DERA: variants seen among roughly 807,000 people sequenced by gnomAD.
DERA encodes deoxyribose-phosphate aldolase.
In DERA, 15 loss-of-function variants were observed where a neutral mutation model predicts 41.1. The observed-to-expected ratio is 0.37, with a 90% confidence interval of 0.24 to 0.56. DERA has a LOEUF of 0.56. Ranked by LOEUF, DERA falls within the 20% of genes least tolerant of loss-of-function variation. The pLI is 0.81. For missense variants in DERA, 396 were observed against 403.4 expected (o/e 0.98, Z 0.16); for synonymous variants, 139 against 137.4 (o/e 1.01, Z -0.08).
chr12:15,998,559 CGCCTGCCTCAGCCTCCCAATGTGCTG>C lies in DERA; in HGVS notation c.637+16125_637+16150del, dbSNP rs1948854691. Among the ~76,000 whole-genome samples the C allele has an allele frequency of 6.6e-6, 1 of 152,054 alleles. No individual in the cohort carries two copies. The highest frequency in any genetic ancestry group is 1.5e-5 in the Non-Finnish European group (1 of 68,020). On this transcript the variant is annotated intron_variant, in intron 6 of 8. Coordinates refer to ENST00000428559, the MANE Select transcript of DERA (RefSeq NM_015954.4). The surrounding 1 kb of genome is among the most constrained non-coding windows in gnomAD (Gnocchi z 4.8). The stretch of plus-strand genomic sequence containing the variant: ...CTCGAACTCCTGACCTCAGGTGATC[CGCCTGCCTCAGCCTCCCAATGTGCTG>C]GAATTACAGGTGTGAGCCACCACGC...
intron 5 of DERA, among the ~76,000 whole-genome samples, chr12:15,969,320 C>T (rs748904458): frequency 1.3e-5 from 2 of 151,970 alleles, no homozygotes; most frequent in Non-Finnish European, 2.9e-5. Context: ...ATATATTTAC[C>T]AGTGACAGGG....
rs567951013 is a variant in DERA at position 16,017,327 on chromosome 12, C to T, written c.638-15215C>T. Among the ~76,000 whole-genome samples the T allele has an allele frequency of 6.6e-5, 10 of 152,220 alleles. No homozygotes were observed. Among genetic ancestry groups the T allele is most frequent in the African/African-American group, 1.7e-4 (7 of 41,530 alleles). ...GCATTGCTAACGTGATGGACTGGAC[C>T]GACAGAGAATTACTCTGTAGCTCAC... On this transcript the variant is annotated intron_variant, in intron 6 of 8. Transcript: ENST00000428559. The surrounding 1 kb of genome is among the most constrained non-coding windows in gnomAD (Gnocchi z 5.5).
At chr12:15,968,154 A>G (rs1948636445) in intron 5 of DERA, among the ~76,000 whole-genome samples, 1 of 151,816 alleles carries the variant, frequency 6.6e-6, no homozygotes. Flanking sequence ...TAATGGAAAC[A>G]TTGTTGAATT....
chr12:15,916,933 A>C (rs1948204735), intron 1 of DERA, among the ~76,000 whole-genome samples: 1 of 152,184 alleles, frequency 6.6e-6, no homozygotes, highest in South Asian at 2.1e-4. Flanking sequence ...GGTTAAAAAA[A>C]ATTAAGTAGA....
At chr12:16,025,580 G>T (rs1379806040) in intron 6 of DERA, among the ~76,000 whole-genome samples, 1 of 152,014 alleles carries the variant, frequency 6.6e-6, no homozygotes, top group Non-Finnish European at 1.5e-5. Flanking sequence ...CTGAAAAAAA[G>T]AAATAAACAA....
chr12:15,919,916 A>G (rs901716613), intron 1 of DERA, among the ~76,000 whole-genome samples: 1 of 152,146 alleles, frequency 6.6e-6, no homozygotes, highest in African/African-American at 2.4e-5. Flanking sequence ...ATCCAGATTC[A>G]GATAAGGTTT....
chr12:16,028,702 TA>T (rs545508321), intron 6 of DERA, among the ~76,000 whole-genome samples: 109 of 152,334 alleles, frequency 7.2e-4, no homozygotes, highest in African/African-American at 2.6e-3. Flanking sequence ...ATAATGTGAT[TA>T]ACATAGCAGT....
At position 15,924,161 on chromosome 12, in the gene DERA, C is replaced by T. The variant is rs989760941; in HGVS notation, c.31+12747C>T. Among the ~76,000 whole-genome samples, 3 of 152,172 alleles carry T rather than the reference C, an allele frequency of 2.0e-5. No individual in the cohort carries two copies. The highest frequency in any genetic ancestry group is 7.2e-5 in the African/African-American group (3 of 41,426). On this transcript the variant is annotated intron_variant, in intron 1 of 8. Transcript: ENST00000428559. The surrounding 1 kb of genome is among the most constrained non-coding windows in gnomAD (Gnocchi z 5.0). ...TTATATATGTGGTTGGGTTAGGTGGCTTATGCCTGTAATCCTAACTCTTTG... is the reference window on the plus strand; with the variant it reads ...TTATATATGTGGTTGGGTTAGGTGGTTTATGCCTGTAATCCTAACTCTTTG...
At chr12:15,955,235 G>A (rs1326259530) in intron 1 of DERA, among the ~76,000 whole-genome samples, 4 of 151,830 alleles carry the variant, frequency 2.6e-5, no homozygotes, top group African/African-American at 7.3e-5. Context: ...GGAGGTGGAG[G>A]TTGCAGTGAG....
intron 1 of DERA, among the ~76,000 whole-genome samples, chr12:15,932,307 T>C (rs1374710342): frequency 6.6e-6 from 1 of 152,196 alleles, no homozygotes; most frequent in Non-Finnish European, 1.5e-5. Context: ...GTGTTTTCCA[T>C]ATTTGACAAG....
rs1387321519 is a variant in DERA at position 15,957,194 on chromosome 12, G to A, written c.129+161G>A. 6.6e-6 allele frequency among the ~76,000 whole-genome samples: 1 copy of A among 152,194 alleles called. No homozygotes were observed. The highest frequency in any genetic ancestry group is 1.5e-5 in the Non-Finnish European group (1 of 68,036). ...ATTCATATATGATGATGATGGGTTG[G>A]AGAAAGATAACACATTTATCCAAAC... is the stretch of plus-strand genomic sequence containing the variant. On this transcript the variant is annotated intron_variant, in intron 2 of 8. Transcript: ENST00000428559. This position sits in a 1 kb window ranked among gnomAD's most constrained non-coding sequence, Gnocchi z 4.8.
chr12:15,962,767 C>T (rs1948596718), intron 4 of DERA, 46 bp from the exon 5 acceptor site: 1 of 1,437,336 alleles, frequency 7.0e-7, no homozygotes, highest in South Asian at 1.4e-5. Context: ...TACTTTCTTT[C>T]TTCCCTCCTT....
chr12:15,956,232 A>C (rs1438472345), intron 1 of DERA, among the ~76,000 whole-genome samples: 1 of 152,244 alleles, frequency 6.6e-6, no homozygotes, highest in Non-Finnish European at 1.5e-5. Context: ...TAATATTTAG[A>C]CTAGGTCTGA....
intron 1 of DERA, among the ~76,000 whole-genome samples, chr12:15,933,984 G>T (rs1032137580): frequency 6.6e-6 from 1 of 152,146 alleles, no homozygotes; most frequent in African/African-American, 2.4e-5. Context: ...TTCTAATTCT[G>T]TGGTTAAGTT....
chr12:15,992,149 A>G lies in DERA; in HGVS notation c.637+9713A>G, dbSNP rs574228566. Among the ~76,000 whole-genome samples, 2 of 151,576 alleles carry G rather than the reference A, an allele frequency of 1.3e-5. No homozygotes were observed. Among genetic ancestry groups the G allele is most frequent in the African/African-American group, 4.9e-5 (2 of 41,216 alleles). ...TTAACTTTATTCCTCTGCGATTACT[A>G]TCAAACCTGGCATATAGTAGAGCCT... is the stretch of plus-strand genomic sequence containing the variant. On this transcript the variant is annotated intron_variant, in intron 6 of 8. Coordinates refer to ENST00000428559, the MANE Select transcript of DERA (RefSeq NM_015954.4). This position sits in a 1 kb window ranked among gnomAD's most constrained non-coding sequence, Gnocchi z 4.3.
intron 1 of DERA, among the ~76,000 whole-genome samples, chr12:15,951,909 T>C (rs978732293): frequency 1.3e-5 from 2 of 152,146 alleles, no homozygotes; most frequent in Non-Finnish European, 2.9e-5. Flanking sequence ...CTTTTTTTTT[T>C]TCTTTTTTTT....
intron 1 of DERA, among the ~76,000 whole-genome samples, chr12:15,916,536 C>T (rs575706825): frequency 5.3e-5 from 8 of 151,254 alleles, no homozygotes; most frequent in South Asian, 4.2e-4. Flanking sequence ...CTGCAACCTC[C>T]GCCTCCCGGG....
At chr12:15,971,633 C>T (rs996012414) in intron 5 of DERA, among the ~76,000 whole-genome samples, 1 of 151,312 alleles carries the variant, frequency 6.6e-6, no homozygotes, top group Admixed American at 6.6e-5. Context: ...TCTCCTGCCT[C>T]AGCGTCCCGA....
intron 1 of DERA, among the ~76,000 whole-genome samples, chr12:15,917,889 A>G (rs1349656999): frequency 6.6e-6 from 1 of 152,172 alleles, no homozygotes; most frequent in East Asian, 1.9e-4. Context: ...AGCACTAGGT[A>G]TGCTCATTGT....
Sources: gnomAD v4.1 joint callset for allele counts (sites outside exome capture counted in the v4.1 genomes callset) on GRCh38, gnomAD v4.1.1 for gene constraint, Gnocchi (gnomAD v3.1) non-coding constraint, MANE v1.5 for transcripts, NCBI Gene and HGNC (gene_info 2026-07-23, HGNC 2026-07-21) for gene names.